The following TENT5A variants were observed in gnomAD, a reference collection of about 807,000 sequenced individuals.
TENT5A encodes the protein terminal nucleotidyltransferase 5A, also known as HBV X-transactivated gene 11 protein.
In TENT5A, 9 loss-of-function variants were observed where a neutral mutation model predicts 30.2. That is an observed-to-expected ratio of 0.30 (90% CI 0.18 to 0.52). The LOEUF (loss-of-function observed/expected upper bound fraction) is 0.52, where lower values mean the gene tolerates loss of function less well. Among genes scored for constraint, TENT5A ranks in the 20% least tolerant of loss-of-function variants. The pLI is 0.97. For missense variants in TENT5A, 411 were observed against 566.1 expected, an observed-to-expected ratio of 0.73 and a Z score of 2.78; for synonymous variants, 264 against 234.2, an observed-to-expected ratio of 1.13 and a Z score of -1.16.
chr6:81,751,310 A>T (rs1003769840), intron 2 of TENT5A, among the ~76,000 whole-genome samples: 4 of 152,216 alleles, frequency 2.6e-5, no homozygotes, highest in African/African-American at 9.7e-5. Flanking sequence ...CCAACAGGGA[A>T]AGCCAAGAGT....
rs775372971 is a variant in TENT5A at position 81,750,236 on chromosome 6, C to G, written c.788G>C (p.Ser263Thr). The G allele has an allele frequency of 6.2e-7, 1 of 1,614,136 alleles. No individual in the cohort carries two copies. Among genetic ancestry groups the G allele is most frequent in the Admixed American group, 1.7e-5 (1 of 60,034 alleles). ...ETFHPTIIGE[S>T]VYGDFQEAFD... ...GGCTTCCTGGAAATCGCCATAGACG[C>G]TCTCCCCGATTATTGTGGGGTGAAA... The change falls in exon 3 of 3, where the codon AGC becomes ACC. Residue 263 changes from serine to threonine, a missense_variant. Transcript: ENST00000320172. This position sits in a 1 kb window ranked among gnomAD's most constrained non-coding sequence, Gnocchi z 4.2.
intron 2 of TENT5A, 35 bp downstream of exon 2, chr6:81,751,555 G>C (rs1477491219): frequency 6.4e-7 from 1 of 1,553,000 alleles, no homozygotes; most frequent in East Asian, 2.3e-5. Context: ...GGCCCAGACT[G>C]GGTCAGGACC....
rs1768920021 is a variant in TENT5A at position 81,747,998 on chromosome 6, G to A, written c.*1697C>T. Reference sequence around the variant, plus strand: ...ATATTTAAATGCAGTGTGACAACCAGATCAAAGATGTTTCATATTGACATG... The same window carrying A: ...ATATTTAAATGCAGTGTGACAACCAAATCAAAGATGTTTCATATTGACATG... On this transcript the variant is annotated 3_prime_UTR_variant, in exon 3 of 3. Coordinates refer to ENST00000320172, the MANE Select transcript of TENT5A (RefSeq NM_017633.3). 4.1e-6 allele frequency: 4 copies of A among 982,366 alleles called. No individual in the cohort carries two copies. The highest frequency in any genetic ancestry group is 4.8e-6 in the Non-Finnish European group (4 of 826,892). 60.9% of individuals were successfully genotyped at this position (982,366 alleles called of 1,614,324 possible). A position where few individuals can be genotyped will look rare whatever the true frequency, so the allele number is the denominator to read the frequency against.
chr6:81,748,576 T>A lies in TENT5A; in HGVS notation c.*1119A>T. The A allele has an allele frequency of 1.0e-6, 1 of 980,478 alleles. No individual in the cohort carries two copies. Among genetic ancestry groups the A allele is most frequent in the Non-Finnish European group, 1.2e-6 (1 of 825,592 alleles). 60.7% of individuals were successfully genotyped at this position (980,478 alleles called of 1,614,324 possible). A position where few individuals can be genotyped will look rare whatever the true frequency, so the allele number is the denominator to read the frequency against. On this transcript the variant is annotated 3_prime_UTR_variant, in exon 3 of 3. Coordinates refer to ENST00000320172, the MANE Select transcript of TENT5A (RefSeq NM_017633.3). ...ACACACAGTATTTAAACATTTCCTATTTGAGACATTATTCTAGATCATAGT... is the reference window on the plus strand; with the variant it reads ...ACACACAGTATTTAAACATTTCCTAATTGAGACATTATTCTAGATCATAGT...
Position 81,752,275 on chromosome 6 carries a change from C to A in TENT5A, c.-37-97G>T. ...AGGCCCGCCAGGAAAAGAGCGCCCC[C>A]TCCCCCGATAGTTCCCTGACCCCGG... On this transcript the variant is annotated intron_variant, in intron 1 of 2. Transcript: ENST00000320172. 4 of 1,495,684 alleles carry A rather than the reference C, an allele frequency of 2.7e-6. No homozygotes were observed. The South Asian group carries it at 4.0e-5, about 15-fold the overall frequency. 92.7% of individuals were successfully genotyped at this position (1,495,684 alleles called of 1,614,324 possible).
Position 81,745,886 on chromosome 6 carries a change from A to G in TENT5A, c.*3809T>C. The stretch of plus-strand genomic sequence containing the variant: ...CTTTTCTGCCTGTGACGCAGCCTAT[A>G]GTCAAAATATTCCAAAAGAGTGACC... On this transcript the variant is annotated 3_prime_UTR_variant, in exon 3 of 3. Transcript: ENST00000320172. 1 of 985,880 alleles carries G rather than the reference A, an allele frequency of 1.0e-6. No individual in the cohort carries two copies. Among genetic ancestry groups the G allele is most frequent in the Non-Finnish European group, 1.2e-6 (1 of 829,944 alleles). The allele number at this position is 985,880 out of a possible 1,614,324, so 61.1% of individuals were successfully genotyped here. A position where few individuals can be genotyped will look rare whatever the true frequency, so the allele number is the denominator to read the frequency against.
Position 81,746,611 on chromosome 6 carries a change from C to T in TENT5A, c.*3084G>A. On this transcript the variant is annotated 3_prime_UTR_variant, in exon 3 of 3. Coordinates refer to ENST00000320172, the MANE Select transcript of TENT5A (RefSeq NM_017633.3). ...TAAACCTTTAAAAACGGCATTGTCA[C>T]AGGCTATGTGTTCTCTGACATGCCA... 8.1e-7 allele frequency: 1 copy of T among 1,232,028 alleles called. No homozygotes were observed. Among genetic ancestry groups the T allele is most frequent in the Non-Finnish European group, 1.0e-6 (1 of 987,854 alleles). 76.3% of individuals were successfully genotyped at this position (1,232,028 alleles called of 1,614,324 possible).
intron 1 of TENT5A, 32 bp from the exon 2 acceptor site, chr6:81,752,210 A>T (rs1218395023): frequency 1.1e-5 from 14 of 1,256,796 alleles, no homozygotes; most frequent in Non-Finnish European, 3.1e-6. Flanking sequence ...CGCGGTGAGG[A>T]CGCGCGGCGG....
In TENT5A at chr6:81,746,317, A is replaced by G. The variant is rs771144699; in HGVS notation, c.*3378T>C. 1.6e-4 allele frequency: 201 copies of G among 1,220,560 alleles called. No individual in the cohort carries two copies. The highest frequency in any genetic ancestry group is 2.0e-4 in the Non-Finnish European group (193 of 981,186). The allele number at this position is 1,220,560 out of a possible 1,614,324, so 75.6% of individuals were successfully genotyped here. ...ATTTACAAAATAGTTCACAATATTT[A>G]TTTAACAAGCGTTGCATTGAAAACA... On this transcript the variant is annotated 3_prime_UTR_variant, in exon 3 of 3. Transcript: ENST00000320172.
In TENT5A at chr6:81,752,514, C is replaced by G; in HGVS notation, c.-121G>C. 6 of 1,417,652 alleles carry G rather than the reference C, an allele frequency of 4.2e-6. No homozygotes were observed. Among genetic ancestry groups the G allele is most frequent in the Non-Finnish European group, 5.8e-6 (6 of 1,026,084 alleles). The allele number at this position is 1,417,652 out of a possible 1,614,324, so 87.8% of individuals were successfully genotyped here. A position where few individuals can be genotyped will look rare whatever the true frequency, so the allele number is the denominator to read the frequency against. On this transcript the variant is annotated 5_prime_UTR_variant, in exon 1 of 3. Coordinates refer to ENST00000320172, the MANE Select transcript of TENT5A (RefSeq NM_017633.3). ...AACACTTCCAGGAGCTGCGAGCGCG[C>G]TCAGACAGCAAATAGCGACTTCGTC...
rs1056739975 is a variant in TENT5A, at chr6:81,749,091, A to G, written c.*604T>C. 4.1e-6 allele frequency: 4 copies of G among 985,854 alleles called. No individual in the cohort carries two copies. The highest frequency in any genetic ancestry group is 4.8e-6 in the Non-Finnish European group (4 of 829,944). The allele number at this position is 985,854 out of a possible 1,614,324, so 61.1% of individuals were successfully genotyped here. On this transcript the variant is annotated 3_prime_UTR_variant, in exon 3 of 3. Transcript: ENST00000320172. ...GTCATCATAAGTTCTGCTGATTGTT[A>G]CGAGAACTGCACCAACCTACTACTG...
Position 81,747,103 on chromosome 6 carries a change from C to T in TENT5A, c.*2592G>A. 11 of 984,842 alleles carry T rather than the reference C, an allele frequency of 1.1e-5. No homozygotes were observed. The highest frequency in any genetic ancestry group is 1.3e-5 in the Non-Finnish European group (11 of 829,448). The allele number at this position is 984,842 out of a possible 1,614,324, so 61.0% of individuals were successfully genotyped here. A position where few individuals can be genotyped will look rare whatever the true frequency, so the allele number is the denominator to read the frequency against. ...AACAAAAATCTGTGTTATAAATTAA[C>T]AGCAGGTTATTGTTATGGCAGAGTC... On this transcript the variant is annotated 3_prime_UTR_variant, in exon 3 of 3. Transcript: ENST00000320172.
rs891157900 is a variant in TENT5A, at chr6:81,748,820, A to T, written c.*875T>A. 2 of 984,982 alleles carry T rather than the reference A, an allele frequency of 2.0e-6. No individual in the cohort carries two copies. Among genetic ancestry groups the T allele is most frequent in the African/African-American group, 3.5e-5 (2 of 57,226 alleles). The allele number at this position is 984,982 out of a possible 1,614,324, so 61.0% of individuals were successfully genotyped here. On this transcript the variant is annotated 3_prime_UTR_variant, in exon 3 of 3. Transcript: ENST00000320172. ...GAGGCAGTCCCTGATAAAATAAAAT[A>T]ATCATTAAACCATAAAATAATTTTG... is the stretch of plus-strand genomic sequence containing the variant.
At position 81,750,612 on chromosome 6, in the gene TENT5A, C is replaced by T. The variant is rs1769012304; in HGVS notation, c.553-141G>A. 1 of 565,314 alleles carries T rather than the reference C, an allele frequency of 1.8e-6. No homozygotes were observed. Among genetic ancestry groups the T allele is most frequent in the East Asian group, 3.1e-5 (1 of 32,694 alleles). 35.0% of individuals were successfully genotyped at this position (565,314 alleles called of 1,614,324 possible). On this transcript the variant is annotated intron_variant, in intron 2 of 2. Transcript: ENST00000320172. The surrounding 1 kb of genome is among the most constrained non-coding windows in gnomAD (Gnocchi z 4.2). Reference sequence around the variant, plus strand: ...GTTTCAGCCAAACACTACCTACAGGCTTAAACGGTCTTCTGAAAATAGAAA... The same window carrying T: ...GTTTCAGCCAAACACTACCTACAGGTTTAAACGGTCTTCTGAAAATAGAAA...
At position 81,746,882 on chromosome 6, in the gene TENT5A, A is replaced by C. The variant is rs997895000; in HGVS notation, c.*2813T>G. ...TTCAACTACATATGCACAAGACTAT[A>C]GTACACACAAAATAGAAATAAATTA... On this transcript the variant is annotated 3_prime_UTR_variant, in exon 3 of 3. Coordinates refer to ENST00000320172, the MANE Select transcript of TENT5A (RefSeq NM_017633.3). 1 of 1,084,402 alleles carries C rather than the reference A, an allele frequency of 9.2e-7. No individual in the cohort carries two copies. The highest frequency in any genetic ancestry group is 1.1e-6 in the Non-Finnish European group (1 of 894,912). 67.2% of individuals were successfully genotyped at this position (1,084,402 alleles called of 1,614,324 possible).
Position 81,749,116 on chromosome 6 carries a change from G to C in TENT5A, c.*579C>G, listed in dbSNP as rs2127726271. ...ACGAGAACTGCACCAACCTACTACT[G>C]TTCATTTGGAGCAAGCCGTTTGTTA... On this transcript the variant is annotated 3_prime_UTR_variant, in exon 3 of 3. Coordinates refer to ENST00000320172, the MANE Select transcript of TENT5A (RefSeq NM_017633.3). The C allele has an allele frequency of 2.0e-6, 2 of 985,822 alleles. No individual in the cohort carries two copies. The highest frequency in any genetic ancestry group is 2.3e-4 in the East Asian group (2 of 8,818). 61.1% of individuals were successfully genotyped at this position (985,822 alleles called of 1,614,324 possible). A position where few individuals can be genotyped will look rare whatever the true frequency, so the allele number is the denominator to read the frequency against.
rs879128167 is a variant in TENT5A at position 81,749,617 on chromosome 6, CT to C, written c.*77del. ...CATCCCTAATAAGGGCTGGATCACT[CT>C]TTTTTTTTTCTTTTTTTTTTTTTTC... is the stretch of plus-strand genomic sequence containing the variant. On this transcript the variant is annotated 3_prime_UTR_variant, in exon 3 of 3. Transcript: ENST00000320172. 1.2e-3 allele frequency: 1,616 copies of C among 1,367,964 alleles called. 7 individuals are homozygous for C. In the African/African-American group the frequency reaches 0.016, roughly 13 times the overall value. 84.7% of individuals were successfully genotyped at this position (1,367,964 alleles called of 1,614,324 possible).
In TENT5A at chr6:81,749,425, T is replaced by C. The variant is rs1308395369; in HGVS notation, c.*270A>G. 1.7e-6 allele frequency: 2 copies of C among 1,193,356 alleles called. No homozygotes were observed. The highest frequency in any genetic ancestry group is 2.1e-6 in the Non-Finnish European group (2 of 962,560). 73.9% of individuals were successfully genotyped at this position (1,193,356 alleles called of 1,614,324 possible). ...CTTCTCTTGTATCAGGAGAACCTGG[T>C]TGCTTCTAATGACAGGTCTCTCTTT... On this transcript the variant is annotated 3_prime_UTR_variant, in exon 3 of 3. Coordinates refer to ENST00000320172, the MANE Select transcript of TENT5A (RefSeq NM_017633.3).
rs758192773 is a variant in TENT5A, at chr6:81,749,749, C to G, written c.1275G>C (p.Gln425His). 2.5e-6 allele frequency: 4 copies of G among 1,613,486 alleles called. No individual in the cohort carries two copies. The highest frequency in any genetic ancestry group is 2.5e-6 in the Non-Finnish European group (3 of 1,179,978). Residue 425 changes from glutamine to histidine, a missense_variant, in exon 3 of 3, where the codon CAG becomes CAC. Gln to His is a conservative substitution (Grantham distance 24). This residue lies in a region of TENT5A where 75 missense variants were observed against 80.9 expected (regional missense o/e 0.93). Coordinates refer to ENST00000320172, the MANE Select transcript of TENT5A (RefSeq NM_017633.3). ...NFSNYYIAQV[Q>H]PVFTCQQQTY... ...TCTGTTGCTGGCACGTGAATACTGG[C>G]TGAACCTGTGCAATGTAGTAATTGC...
Sources: gnomAD v4.1 joint callset for allele counts (sites outside exome capture counted in the v4.1 genomes callset) on GRCh38, gnomAD v4.1.1 for gene constraint, gnomAD v4.1.1 regional missense constraint, Gnocchi (gnomAD v3.1) non-coding constraint, MANE v1.5 for transcripts, NCBI Gene and HGNC (gene_info 2026-07-23, HGNC 2026-07-21) for gene names.